DNHD1: variants seen among roughly 807,000 people sequenced by gnomAD.
DNHD1 encodes the protein dynein heavy chain domain 1, also known as dynein heavy chain domain-containing protein 1.
A neutral mutation model predicts 458.1 loss-of-function variants in DNHD1; 383 were observed. The observed-to-expected ratio is 0.84, with a 90% CI of 0.77 to 0.91. The LOEUF is 0.91. Ranked by LOEUF, DNHD1 falls within the 40% of genes least tolerant of loss-of-function variation. DNHD1 has a pLI of 0.00. For missense variants in DNHD1, 5,336 were observed against 5,866.1 expected, an observed-to-expected ratio of 0.91 and a Z score of 2.95; for synonymous variants, 2,203 against 2,376.9, an observed-to-expected ratio of 0.93 and a Z score of 2.13.
rs899461348 is a variant in DNHD1 at position 6,546,362 on chromosome 11, G to A, written c.5423G>A (p.Arg1808His). Residue 1808 changes from arginine to histidine, a missense_variant, in exon 21 of 43, where the codon CGT becomes CAT. Arg to His is a conservative substitution (Grantham distance 29, BLOSUM62 0). This residue lies in a region of DNHD1 where 3,932 missense variants were observed against 4,365.6 expected (regional missense o/e 0.90). Transcript: ENST00000254579. ...GGCTATGGCTGTCTCCTGGTACTGC[G>A]TGCCCTGAGCTCTGCTGTGCCTGCC... is the stretch of plus-strand genomic sequence containing the variant. Reference protein sequence around the residue: ...RLGYGCLLVLRALSSAVPANL... With the variant: ...RLGYGCLLVLHALSSAVPANL... 1.9e-5 allele frequency: 30 copies of A among 1,552,102 alleles called. No individual in the cohort carries two copies. Among genetic ancestry groups the A allele is most frequent in the Middle Eastern group, 1.7e-4 (1 of 6,018 alleles).
chr11:6,538,323 C>T (rs1853008969), intron 14 of DNHD1, 60 bp from the exon 15 acceptor site: 1 of 1,522,030 alleles, frequency 6.6e-7, no homozygotes, highest in Non-Finnish European at 8.9e-7. Context: ...ACTGATCATT[C>T]CACCACCCCC....
chr11:6,533,198 A>G lies in DNHD1; in HGVS notation c.2505+14A>G. 6.5e-7 allele frequency: 1 copy of G among 1,550,376 alleles called. No homozygotes were observed. The highest frequency in any genetic ancestry group is 8.7e-7 in the Non-Finnish European group (1 of 1,146,486). ...TGCACCCAGAAGGTGGGCTCTCCCC[A>G]TCCATCCTTCCCAGTTTATTCAGGG... On this transcript the variant is annotated intron_variant, in intron 13 of 42. Coordinates refer to ENST00000254579, the MANE Select transcript of DNHD1 (RefSeq NM_144666.3).
In DNHD1 at chr11:6,556,283, AT is replaced by A. The variant is rs929394747; in HGVS notation, c.7388-391del. Reference sequence around the variant, plus strand: ...GCCACCACCTCCCAGCCTAAAGTTGATTTTTTTTTAAGTGCACATGTGATAT... The same window carrying A: ...GCCACCACCTCCCAGCCTAAAGTTGATTTTTTTTAAGTGCACATGTGATAT... On this transcript the variant is annotated intron_variant, in intron 24 of 42. Transcript: ENST00000254579. Among the ~76,000 whole-genome samples, 16 of 151,610 alleles carry A rather than the reference AT, an allele frequency of 1.1e-4. No individual in the cohort carries two copies. In the South Asian group the frequency reaches 1.3e-3, roughly 12 times the overall value.
Position 6,563,889 on chromosome 11 carries a change from T to A in DNHD1, c.10049T>A (p.Leu3350Gln). Residue 3350 changes from leucine to glutamine, a missense_variant, in exon 31 of 43, where the codon CTG (leucine) becomes CAG (glutamine). Around this residue, in one of 4 missense-constraint regions of DNHD1, gnomAD observed 3,932 missense variants for 4,365.6 expected, o/e 0.90. Coordinates refer to ENST00000254579, the MANE Select transcript of DNHD1 (RefSeq NM_144666.3). ...CGGGGACTGCCCACGGACCTGCTGC[T>A]GCAGCAAGTGGAGGCAACACTCACT... ...HCRGLPTDLL[L>Q]QQVEATLTRE... The A allele has an allele frequency of 6.4e-7, 1 of 1,551,712 alleles. No homozygotes were observed. Among genetic ancestry groups the A allele is most frequent in the South Asian group, 1.2e-5 (1 of 84,068 alleles).
rs767911011 is a variant in DNHD1 at position 6,498,347 on chromosome 11, G to A, written c.132G>A (p.Gln44=). The change falls in exon 3 of 43, where the codon CAG becomes CAA. Residue 44 remains glutamine, a synonymous_variant. Transcript: ENST00000254579. ...TGGCCTGCCAGCAGAAACAGAGGCAGTTCGTGAAGCCAGTGACTGAGTCAG... is the reference window on the plus strand; with the variant it reads ...TGGCCTGCCAGCAGAAACAGAGGCAATTCGTGAAGCCAGTGACTGAGTCAG... ...QPLACQQKQR[Q]FVKPVTESEQ... The A allele has an allele frequency of 6.2e-7, 1 of 1,614,220 alleles. No individual in the cohort carries two copies. Among genetic ancestry groups the A allele is most frequent in the Non-Finnish European group, 8.5e-7 (1 of 1,180,036 alleles).
At position 6,563,480 on chromosome 11, in the gene DNHD1, A is replaced by T. The variant is rs1343763418; in HGVS notation, c.9768A>T (p.Val3256=). The stretch of plus-strand genomic sequence containing the variant: ...CACCACCAGAATCTGTGGTCCGGGT[A>T]ACTGATGCAATGTGTGACTTGTTCC... ...YRAPPESVVR[V]TDAMCDLFHH... is the part of the protein sequence containing the mutation. Residue 3256 remains valine, a synonymous_variant, in exon 30 of 43, where the codon GTA becomes GTT. Coordinates refer to ENST00000254579, the MANE Select transcript of DNHD1 (RefSeq NM_144666.3). The T allele has an allele frequency of 3.2e-6, 5 of 1,551,710 alleles. No homozygotes were observed. The highest frequency in any genetic ancestry group is 3.5e-6 in the Non-Finnish European group (4 of 1,146,992).
chr11:6,504,771 C>G (rs947715933), intron 4 of DNHD1, among the ~76,000 whole-genome samples: 1 of 151,994 alleles, frequency 6.6e-6, no homozygotes, highest in Non-Finnish European at 1.5e-5. Context: ...TCTGAATCAG[C>G]CTCTTCATAA....
At chr11:6,524,007 A>G (rs1444014484) in intron 10 of DNHD1, among the ~76,000 whole-genome samples, 1 of 152,200 alleles carries the variant, frequency 6.6e-6, no homozygotes, top group Non-Finnish European at 1.5e-5. Flanking sequence ...AAATTTTCTC[A>G]TTATAAGCAA....
At position 6,538,521 on chromosome 11, in the gene DNHD1, C is replaced by T. The variant is rs1417586613; in HGVS notation, c.3126+11C>T. On this transcript the variant is annotated intron_variant, in intron 15 of 42. Transcript: ENST00000254579. ...ATGGCTTTTGCCAAGGTGCTGACAC[C>T]CTTCCTTGGAGCTCTTGACTGGGAG... The T allele has an allele frequency of 6.4e-7, 1 of 1,551,754 alleles. No individual in the cohort carries two copies. Among genetic ancestry groups the T allele is most frequent in the South Asian group, 1.2e-5 (1 of 84,060 alleles).
chr11:6,528,515 C>A lies in DNHD1; in HGVS notation c.1838-7C>A, dbSNP rs2134406052. 1 of 1,547,656 alleles carries A rather than the reference C, an allele frequency of 6.5e-7. No homozygotes were observed. Among genetic ancestry groups the A allele is most frequent in the East Asian group, 2.5e-5 (1 of 40,812 alleles). ...CTCACGGACAATTATGGCCTGTGCT[C>A]CACTAGAAGAAGATGAAGAGGAGGA... On this transcript the variant is annotated splice_polypyrimidine_tract_variant and splice_region_variant and intron_variant, in intron 10 of 42. Coordinates refer to ENST00000254579, the MANE Select transcript of DNHD1 (RefSeq NM_144666.3).
chr11:6,560,451 T>C (rs959723888), intron 28 of DNHD1, among the ~76,000 whole-genome samples: 3 of 152,202 alleles, frequency 2.0e-5, no homozygotes, highest in Non-Finnish European at 4.4e-5. Flanking sequence ...AGATTAGACC[T>C]CAAGACTCAG....
intron 3 of DNHD1, 129 bp downstream of exon 3, chr11:6,499,090 C>A (rs935512573): frequency 3.0e-5 from 33 of 1,085,532 alleles, no homozygotes; most frequent in Non-Finnish European, 4.0e-5. Context: ...CAACTCCACA[C>A]AAAGCTAGTG....
chr11:6,568,362 G>T, intron 37 of DNHD1, 92 bp from the exon 38 acceptor site: 2 of 1,581,054 alleles, frequency 1.3e-6, no homozygotes, highest in South Asian at 2.3e-5. Flanking sequence ...CCTTGTATCT[G>T]ACTCCTGACA....
chr11:6,533,559 A>T, intron 13 of DNHD1, 122 bp from the exon 14 acceptor site: 2 of 1,256,956 alleles, frequency 1.6e-6, no homozygotes, highest in Non-Finnish European at 2.2e-6. Flanking sequence ...ATTCCAGTTG[A>T]TTACAAGGCT....
Position 6,546,621 on chromosome 11 carries a change from A to G in DNHD1, c.5682A>G (p.Glu1894=), listed in dbSNP as rs2134430610. The change falls in exon 21 of 43, where the codon GAA becomes GAG. Residue 1894 remains glutamate, a synonymous_variant. Coordinates refer to ENST00000254579, the MANE Select transcript of DNHD1 (RefSeq NM_144666.3). ...GGACACTAAATGTGACCAAGGAGGAACCGAAGTGCCAGAAGCCTCGCAGCC... is the reference window on the plus strand; with the variant it reads ...GGACACTAAATGTGACCAAGGAGGAGCCGAAGTGCCAGAAGCCTCGCAGCC... ...TIRTLNVTKE[E]PKCQKPRSLA... 6.4e-7 allele frequency: 1 copy of G among 1,551,482 alleles called. No individual in the cohort carries two copies. The highest frequency in any genetic ancestry group is 8.7e-7 in the Non-Finnish European group (1 of 1,146,794).
At position 6,570,356 on chromosome 11, in the gene DNHD1, C is replaced by T; in HGVS notation, c.13065C>T (p.His4355=). The change falls in exon 41 of 43, where the codon CAC becomes CAT. Residue 4355 remains histidine, a synonymous_variant. Transcript: ENST00000254579. ...SPSSGSWVQP[H]TPQSLLATLM... ...GTAGTGGGAGCTGGGTCCAGCCACA[C>T]ACACCTCAGTCTTTGCTGGCCACGC... is the stretch of plus-strand genomic sequence containing the variant. 1.9e-6 allele frequency: 3 copies of T among 1,612,050 alleles called. No individual in the cohort carries two copies. The highest frequency in any genetic ancestry group is 1.3e-5 in the African/African-American group (1 of 74,992).
chr11:6,498,314 A>T lies in DNHD1; in HGVS notation c.99A>T (p.Glu33Asp). ...CCATATGTGTCTTGGACAGCAAAGA[A>T]CAGCCCTTGGCCTGCCAGCAGAAAC... ...WHSICVLDSK[E>D]QPLACQQKQR... Residue 33 changes from glutamate (E) to aspartate (D), a missense_variant, in exon 3 of 43, where the codon GAA becomes GAT. Physicochemically the swap from Glu to Asp is conservative, Grantham distance 45 (BLOSUM62 2). Coordinates refer to ENST00000254579, the MANE Select transcript of DNHD1 (RefSeq NM_144666.3). 1.2e-6 allele frequency: 2 copies of T among 1,614,224 alleles called. No homozygotes were observed. Among genetic ancestry groups the T allele is most frequent in the Non-Finnish European group, 1.7e-6 (2 of 1,180,036 alleles).
At chr11:6,516,976 A>C (rs777253018) in intron 7 of DNHD1, among the ~76,000 whole-genome samples, 6 of 152,132 alleles carry the variant, frequency 3.9e-5, no homozygotes, top group Non-Finnish European at 8.8e-5. Context: ...TCAGGCCTCT[A>C]TAACAAAATA....
At chr11:6,513,093 C>G (rs1278772428) in intron 7 of DNHD1, among the ~76,000 whole-genome samples, 3 of 152,114 alleles carry the variant, frequency 2.0e-5, no homozygotes, top group African/African-American at 7.2e-5. Context: ...TTGTACCAAG[C>G]TGAATGAGGC....
Sources: gnomAD v4.1 joint callset for allele counts (sites outside exome capture counted in the v4.1 genomes callset) on GRCh38, gnomAD v4.1.1 for gene constraint, gnomAD v4.1.1 regional missense constraint, MANE v1.5 for transcripts, NCBI Gene and HGNC (gene_info 2026-07-23, HGNC 2026-07-21) for gene names.